The following RIF1 variants were observed in gnomAD, a reference collection of about 807,000 sequenced individuals.
The protein encoded by RIF1 is telomere-associated protein RIF1.
Under a neutral mutation model 247.1 loss-of-function variants are expected in RIF1, and 45 were observed. That is an observed-to-expected ratio of 0.18 (90% CI 0.14 to 0.23). The LOEUF (loss-of-function observed/expected upper bound fraction) is 0.23, where lower values mean the gene tolerates loss of function less well. RIF1 is among the 10% of genes least tolerant of loss of function. The pLI, the probability that RIF1 is intolerant of heterozygous loss-of-function variation, is 1.00. For synonymous variants in RIF1, 1,087 were observed against 978.8 expected (o/e 1.11, Z -2.06); for missense variants, 2,967 against 2,862.5 (o/e 1.04, Z -0.83).
chr2:151,432,538 G>A (rs531825713), intron 9 of RIF1, among the ~76,000 whole-genome samples: 10 of 152,256 alleles, frequency 6.6e-5, no homozygotes, highest in African/African-American at 2.4e-4. Context: ...AATGATTTTT[G>A]ATGGAATATA....
chr2:151,438,608 T>C, intron 13 of RIF1, 76 bp from the exon 14 acceptor site: 1 of 906,602 alleles, frequency 1.1e-6, no homozygotes. Flanking sequence ...TGTAAGGAAG[T>C]AAAGGGAGAG....
rs1177933491 is a variant in RIF1, at chr2:151,499,492, G to GAA, written c.*664_*665dup. On this transcript the variant is annotated 3_prime_UTR_variant and NMD_transcript_variant, in exon 11 of 14. Coordinates refer to the RIF1 transcript ENST00000454583. ...GGTATAAAACTACAGACGTCAGACA[G>GAA]AAAAGACAGATTCAACAAGTCAACC... The GAA allele has an allele frequency of 2.1e-5, 14 of 669,074 alleles. No homozygotes were observed. The Admixed American group carries it at 3.3e-4, about 16-fold the overall frequency. The allele number at this position is 669,074 out of a possible 1,614,324, so 41.4% of individuals were successfully genotyped here. A position where few individuals can be genotyped will look rare whatever the true frequency, so the allele number is the denominator to read the frequency against.
chr2:151,490,668 T>C, intron 9 of RIF1: 1 of 978,072 alleles, frequency 1.0e-6, no homozygotes, highest in Non-Finnish European at 1.5e-6. Context: ...GTTATTCTGA[T>C]GTAGGTTTGT....
rs140911090 is a variant in RIF1, at chr2:151,457,223, G to A, written c.2653-538G>A. ...CACACCCCTGCCCTCCTGGGCTCAA[G>A]GTGATTCTCCCACCATAGCCTCCCA... On this transcript the variant is annotated intron_variant, in intron 23 of 35. Coordinates refer to ENST00000444746, the MANE Select transcript of RIF1 (RefSeq NM_018151.5). 2.1e-3 allele frequency among the ~76,000 whole-genome samples: 312 copies of A among 152,070 alleles called. 1 individual carries two copies. Among genetic ancestry groups the A allele is most frequent in the African/African-American group, 6.9e-3 (288 of 41,490 alleles).
intron 34 of RIF1, among the ~76,000 whole-genome samples, chr2:151,472,806 C>T (rs977464299): frequency 4.6e-5 from 7 of 152,170 alleles, no homozygotes; most frequent in Non-Finnish European, 8.8e-5. Flanking sequence ...CATCAATGTT[C>T]ATCAAGGATA....
At chr2:151,458,239 T>A (rs942755089) in intron 24 of RIF1, among the ~76,000 whole-genome samples, 1 of 145,542 alleles carries the variant, frequency 6.9e-6, no homozygotes, top group Non-Finnish European at 1.5e-5. Flanking sequence ...TTTTTTTTTT[T>A]TTTTTTTTTT....
intron 20 of RIF1, 31 bp from the exon 21 acceptor site, chr2:151,451,575 A>G (rs774988170): frequency 1.3e-5 from 13 of 1,031,688 alleles, no homozygotes; most frequent in Middle Eastern, 4.1e-4. Context: ...CAGTACTTGA[A>G]TGTTTCTAAC....
rs1230102324 is a variant in RIF1, at chr2:151,496,276, C to T, written c.*513+950C>T. 2.5e-6 allele frequency: 4 copies of T among 1,603,696 alleles called. No homozygotes were observed. Among genetic ancestry groups the T allele is most frequent in the African/African-American group, 1.3e-5 (1 of 74,702 alleles). On this transcript the variant is annotated intron_variant and NMD_transcript_variant, in intron 10 of 13. Transcript: ENST00000454583. ...GTTTTTTTCTTTTCTCGCCAAGTAC[C>T]GAGCTAATATTTTCTTGATTGTGTT...
chr2:151,474,848 C>A lies in RIF1; in HGVS notation c.7205-9C>A. On this transcript the variant is annotated splice_polypyrimidine_tract_variant and intron_variant, in intron 35 of 35. Transcript: ENST00000444746. ...TAGATTTAATTGTGGTTTTTTTTTT[C>A]TCTTTTAGATATAATTGATCCTGTT... The A allele has an allele frequency of 1.0e-5, 14 of 1,334,346 alleles. No homozygotes were observed. The highest frequency in any genetic ancestry group is 3.0e-5 in the African/African-American group (2 of 67,224). 82.7% of individuals were successfully genotyped at this position (1,334,346 alleles called of 1,614,324 possible).
intron 23 of RIF1, 117 bp downstream of exon 23, chr2:151,456,737 T>C: frequency 1.7e-6 from 1 of 594,446 alleles, no homozygotes; most frequent in East Asian, 3.2e-5. Context: ...CTTCTTTCTT[T>C]CTTTTTTTCC....
At chr2:151,495,001 C>T (rs2059277231) in intron 9 of RIF1, 1 of 152,262 alleles carries the variant, frequency 6.6e-6, no homozygotes, top group South Asian at 2.1e-4. Flanking sequence ...CTCTCATAGA[C>T]ATATCAGTAA....
rs1692360825 is a variant in RIF1 at position 151,441,944 on chromosome 2, G to A, written c.1687G>A (p.Val563Ile). 4 of 1,567,378 alleles carry A rather than the reference G, an allele frequency of 2.6e-6. No individual in the cohort carries two copies. The highest frequency in any genetic ancestry group is 1.8e-5 in the Admixed American group (1 of 54,878). ...TACAATTAAAGGACTTCCTCAGAAA[G>A]TATTAGGTTCACCAGCATATCAGGT... ...EITIKGLPQKVLGSPAYQVAN... is the reference protein window; with the variant it reads ...EITIKGLPQKILGSPAYQVAN... Residue 563 changes from valine to isoleucine, a missense_variant, in exon 16 of 36, where the codon GTA becomes ATA. Physicochemically the swap from Val to Ile is conservative, Grantham distance 29. Coordinates refer to ENST00000444746, the MANE Select transcript of RIF1 (RefSeq NM_018151.5).
At position 151,497,072 on chromosome 2, in the gene RIF1, T is replaced by C. The variant is rs746282239; in HGVS notation, c.*513+1746T>C. ...AAGCAACCAGAAAAACAACCATGAG[T>C]AACATTTCATTTGTTGAAAGGTTTT... On this transcript the variant is annotated intron_variant and NMD_transcript_variant, in intron 10 of 13. Transcript: ENST00000454583. 34 of 1,543,104 alleles carry C rather than the reference T, an allele frequency of 2.2e-5. 1 individual carries two copies. In the South Asian group the frequency reaches 3.8e-4, roughly 17 times the overall value.
Position 151,501,240 on chromosome 2 carries a change from T to C in RIF1, c.*709+1700T>C, listed in dbSNP as rs1378028329. The stretch of plus-strand genomic sequence containing the variant: ...ATGTTTGTTAGAATCAAATGGTGAG[T>C]AGGAGATCTGGAAAACAGAAGGATT... On this transcript the variant is annotated intron_variant and NMD_transcript_variant, in intron 11 of 13. Coordinates refer to the RIF1 transcript ENST00000454583. The C allele has an allele frequency of 1.1e-5, 6 of 527,156 alleles. No individual in the cohort carries two copies. In the East Asian group the frequency reaches 1.5e-4, roughly 13 times the overall value. The allele number at this position is 527,156 out of a possible 1,614,324, so 32.7% of individuals were successfully genotyped here.
Position 151,501,328 on chromosome 2 carries a change from ATGTTC to A in RIF1, c.*710-1701_*710-1697del. On this transcript the variant is annotated intron_variant and NMD_transcript_variant, in intron 11 of 13. Transcript: ENST00000454583. ...TTATTATAAAGGGATGAACAGTGAG[ATGTTC>A]TGTTTTGTAGAAATTATTATTTTTT... 4 of 1,074,480 alleles carry A rather than the reference ATGTTC, an allele frequency of 3.7e-6. No individual in the cohort carries two copies. The South Asian group carries it at 4.2e-5, about 11-fold the overall frequency. The allele number at this position is 1,074,480 out of a possible 1,614,324, so 66.6% of individuals were successfully genotyped here.
downstream of RIF1, among the ~76,000 whole-genome samples, chr2:151,510,247 T>C (rs185571652): frequency 3.6e-4 from 55 of 152,324 alleles, no homozygotes; most frequent in African/African-American, 1.1e-3. Context: ...GGGAGTTTTT[T>C]TTAGACCCAC....
rs941420346 is a variant in RIF1 at position 151,410,086 on chromosome 2, C to T, written c.-11+53C>T. 6 of 699,164 alleles carry T rather than the reference C, an allele frequency of 8.6e-6. No homozygotes were observed. The African/African-American group carries it at 8.7e-5, about 10-fold the overall frequency. 43.3% of individuals were successfully genotyped at this position (699,164 alleles called of 1,614,324 possible). ...TAGGCCGCGGGGAACCCTCAGTCTG[C>T]CCACCCTCCGCCCCCTCGCGGCGAG... is the stretch of plus-strand genomic sequence containing the variant. On this transcript the variant is annotated intron_variant, in intron 1 of 35. Coordinates refer to ENST00000444746, the MANE Select transcript of RIF1 (RefSeq NM_018151.5).
rs749670862 is a variant in RIF1 at position 151,454,923 on chromosome 2, AAAG to A, written c.2379_2381del (p.Lys793del). The A allele has an allele frequency of 5.0e-6, 8 of 1,610,174 alleles. No individual in the cohort carries two copies. Among genetic ancestry groups the A allele is most frequent in the Non-Finnish European group, 5.9e-6 (7 of 1,178,042 alleles). On this transcript the variant is annotated inframe_deletion, in exon 22 of 36. Coordinates refer to ENST00000444746, the MANE Select transcript of RIF1 (RefSeq NM_018151.5). ...CACAGAGACCTTCAGATTGGTCCAA[AAAG>A]AAGAATGAGCCCCTAGGGAAATTGA...
At position 151,455,105 on chromosome 2, in the gene RIF1, G is replaced by A. The variant is rs1364737635; in HGVS notation, c.2555G>A (p.Arg852Gln). 1.9e-6 allele frequency: 3 copies of A among 1,612,350 alleles called. No individual in the cohort carries two copies. The highest frequency in any genetic ancestry group is 1.3e-5 in the African/African-American group (1 of 74,834). The change falls in exon 22 of 36, where the codon CGA becomes CAA. Residue 852 changes from arginine (R) to glutamine (Q), a missense_variant. Around this residue, in one of 7 missense-constraint regions of RIF1, gnomAD observed 2,028 missense variants for 1,825.6 expected, o/e 1.11. Transcript: ENST00000444746. ...LGHISLPSMIRKIFATLTRPL... is the reference protein window; with the variant it reads ...LGHISLPSMIQKIFATLTRPL... ...CATATTTCTTTGCCTTCTATGATCCGAAAAATATTTGCAACTTTAACAAGA... is the reference window on the plus strand; with the variant it reads ...CATATTTCTTTGCCTTCTATGATCCAAAAAATATTTGCAACTTTAACAAGA...
Sources: gnomAD v4.1 joint callset for allele counts (sites outside exome capture counted in the v4.1 genomes callset) on GRCh38, gnomAD v4.1.1 for gene constraint, gnomAD v4.1.1 regional missense constraint, MANE v1.5 for transcripts, NCBI Gene and HGNC (gene_info 2026-07-23, HGNC 2026-07-21) for gene names.